SEMA3D: variants seen among roughly 807,000 people sequenced by gnomAD.
SEMA3D encodes the protein semaphorin-3D.
SEMA3D carries 84 observed loss-of-function variants against 100.1 expected under a neutral mutation model. The observed-to-expected ratio is 0.84, with a 90% CI of 0.70 to 1.01. The LOEUF (loss-of-function observed/expected upper bound fraction) is 1.01. Among genes scored for constraint, SEMA3D ranks in the 50% least tolerant of loss-of-function variants. SEMA3D has a pLI of 0.00. For synonymous variants in SEMA3D, 312 were observed against 320.7 expected (o/e 0.97, Z 0.29); for missense variants, 875 against 934.1 (o/e 0.94, Z 0.82).
rs147302293 is a variant in SEMA3D, at chr7:85,122,205, T to C, written c.-40-274A>G. On this transcript the variant is annotated intron_variant, in intron 2 of 18. Transcript: ENST00000284136. ...ACCTATGTAAGAAACCTGCACGTTT[T>C]GCACATGTATCCCAGAACTTAAAGT... Among the ~76,000 whole-genome samples the C allele has an allele frequency of 4.0e-5, 6 of 148,684 alleles. No homozygotes were observed. The East Asian group carries it at 1.2e-3, about 29-fold the overall frequency.
At chr7:85,178,249 T>C (rs780761412) in intron 1 of SEMA3D, among the ~76,000 whole-genome samples, 2 of 152,168 alleles carry the variant, frequency 1.3e-5, no homozygotes, top group African/African-American at 2.4e-5. Context: ...GATAGTGTGG[T>C]GCTGCTGTAA....
intron 9 of SEMA3D, among the ~76,000 whole-genome samples, chr7:85,043,692 C>G (rs1468596591): frequency 6.6e-6 from 1 of 152,042 alleles, no homozygotes; most frequent in African/African-American, 2.4e-5. Flanking sequence ...GGGTCTTTCC[C>G]ATGCTGTTCT....
intron 7 of SEMA3D, among the ~76,000 whole-genome samples, chr7:85,065,934 A>G (rs1046051393): frequency 4.6e-5 from 7 of 152,210 alleles, no homozygotes; most frequent in Admixed American, 2.6e-4. Flanking sequence ...GCTAAATGCC[A>G]TAATGAGGAA....
At chr7:85,003,929 A>G (rs546762877) in intron 18 of SEMA3D, among the ~76,000 whole-genome samples, 40 of 152,184 alleles carry the variant, frequency 2.6e-4, no homozygotes, top group Admixed American at 2.2e-3. Context: ...GCTGTTGTTT[A>G]TCAAAATCCA....
Position 85,020,265 on chromosome 7 carries a change from C to G in SEMA3D, c.1471G>C (p.Glu491Gln). 1 of 1,610,216 alleles carries G rather than the reference C, an allele frequency of 6.2e-7. No individual in the cohort carries two copies. ...ATCTGCAACTCCTCCAGCACTACCTCTTCCATATTCCACTTTTCCTTTGAA... is the reference window on the plus strand; with the variant it reads ...ATCTGCAACTCCTCCAGCACTACCTGTTCCATATTCCACTTTTCCTTTGAA... ...SISKEKWNME[E>Q]VVLEELQIFK... The change falls in exon 14 of 19, where the codon GAG (glutamate) becomes CAG (glutamine). Residue 491 changes from glutamate to glutamine, a missense_variant. Physicochemically the swap from Glu to Gln is conservative, Grantham distance 29. Coordinates refer to ENST00000284136, the MANE Select transcript of SEMA3D (RefSeq NM_001384900.1).
chr7:85,094,506 T>C (rs1460182995), intron 4 of SEMA3D, among the ~76,000 whole-genome samples: 1 of 151,978 alleles, frequency 6.6e-6, no homozygotes, highest in East Asian at 1.9e-4. Flanking sequence ...CAATTCTCCC[T>C]TTGCCTAATA....
chr7:85,107,964 C>T (rs781013828), intron 3 of SEMA3D, among the ~76,000 whole-genome samples: 2 of 151,950 alleles, frequency 1.3e-5, no homozygotes, highest in South Asian at 2.1e-4. Context: ...TTTCATTTTC[C>T]CCCAATCACA....
chr7:85,059,669 G>T (rs954274460), intron 8 of SEMA3D, among the ~76,000 whole-genome samples: 2 of 152,072 alleles, frequency 1.3e-5, no homozygotes, highest in African/African-American at 2.4e-5. Flanking sequence ...ACAGTTAAAA[G>T]GAATACCAAT....
chr7:85,044,448 CTTTA>C (rs1346912652), intron 9 of SEMA3D, among the ~76,000 whole-genome samples: 1 of 151,994 alleles, frequency 6.6e-6, no homozygotes, highest in Non-Finnish European at 1.5e-5. Context: ...TTATTATTTT[CTTTA>C]TTTGTTCTTT....
At chr7:85,242,059 T>G in the SEMA3D span, among the ~76,000 whole-genome samples, 7 of 152,030 alleles carry the variant, frequency 4.6e-5, no homozygotes, top group Non-Finnish European at 8.8e-5. Context: ...GAAATTTGTG[T>G]CACCTTTGTT....
At chr7:85,042,139 C>T (rs771160417) in intron 10 of SEMA3D, 32 bp downstream of exon 10, 50 of 1,460,340 alleles carry the variant, frequency 3.4e-5, no homozygotes, top group Non-Finnish European at 7.7e-6. Flanking sequence ...GCAGTAAGGC[C>T]TTTCCAAGAA....
chr7:85,154,572 C>G (rs570168735), intron 1 of SEMA3D, among the ~76,000 whole-genome samples: 1 of 152,222 alleles, frequency 6.6e-6, no homozygotes, highest in East Asian at 1.9e-4. Context: ...GTATGAAATG[C>G]ACTTGCACAG....
At chr7:85,198,833 C>CTTTT in the SEMA3D span, among the ~76,000 whole-genome samples, 7 of 131,710 alleles carry the variant, frequency 5.3e-5, no homozygotes, top group East Asian at 2.1e-4. Context: ...CTTTTTGCTC[C>CTTTT]TTTTTTTTTT....
chr7:85,006,924 C>A lies in SEMA3D; in HGVS notation c.1786G>T (p.Ala596Ser), dbSNP rs1340343486. The change falls in exon 18 of 19, where the codon GCT becomes TCT. Residue 596 changes from alanine (A) to serine (S), a missense_variant. Transcript: ENST00000284136. ...DIEDSISHET[A>S]DEKVIFGIEF... ...ATGCCAAAAATCACCTTTTCATCAG[C>A]AGTTTCATGACTAATGCCTGGAAAG... The A allele has an allele frequency of 2.5e-6, 4 of 1,609,642 alleles. No homozygotes were observed. The African/African-American group carries it at 5.4e-5, about 22-fold the overall frequency.
chr7:85,192,362 T>A, the SEMA3D span, among the ~76,000 whole-genome samples: 7 of 151,938 alleles, frequency 4.6e-5, no homozygotes, highest in Non-Finnish European at 7.4e-5. Flanking sequence ...ATAACTATTA[T>A]TATTTTTAGT....
At chr7:85,054,519 C>G (rs1475538089) in intron 9 of SEMA3D, among the ~76,000 whole-genome samples, 3 of 152,028 alleles carry the variant, frequency 2.0e-5, no homozygotes, top group Non-Finnish European at 4.4e-5. Flanking sequence ...AATCTGTCCC[C>G]TGGGGGTGAG....
intron 8 of SEMA3D, among the ~76,000 whole-genome samples, chr7:85,059,632 C>A (rs1437931882): frequency 1.3e-5 from 2 of 152,072 alleles, no homozygotes; most frequent in Non-Finnish European, 1.5e-5. Context: ...AAAATGAGAA[C>A]TCAGTGATTC....
intron 2 of SEMA3D, among the ~76,000 whole-genome samples, chr7:85,150,212 C>A (rs905666374): frequency 5.3e-5 from 8 of 150,556 alleles, no homozygotes; most frequent in Non-Finnish European, 1.2e-4. Context: ...AGTTGTTTGG[C>A]CTTAACTGTA....
chr7:85,045,838 G>C (rs1448652940), intron 9 of SEMA3D, among the ~76,000 whole-genome samples: 4 of 151,888 alleles, frequency 2.6e-5, no homozygotes, highest in East Asian at 3.9e-4. Context: ...ATTTAGATCT[G>C]TTTAAAGTAA....
Sources: allele counts gnomAD v4.1 joint callset (sites outside exome capture counted in the v4.1 genomes callset), GRCh38; gene constraint gnomAD v4.1.1; transcripts MANE v1.5; gene names NCBI Gene and HGNC (gene_info 2026-07-23, HGNC 2026-07-21).